Variants in ADAMTSL1 observed in about 807,000 individuals in gnomAD.
ADAMTSL1 encodes the protein ADAMTS-like protein 1.
Under a neutral mutation model 201.8 loss-of-function variants are expected in ADAMTSL1, and 126 were observed. The ratio of observed to expected loss-of-function variants is 0.62; its 90% confidence interval spans 0.54 to 0.72. The LOEUF is 0.72. ADAMTSL1 is among the 30% of genes least tolerant of loss of function. The pLI, the probability that ADAMTSL1 is intolerant of heterozygous loss-of-function variation, is 0.00. For synonymous variants in ADAMTSL1, 1,121 were observed against 903.4 expected (o/e 1.24, Z -4.32); for missense variants, 2,679 against 2,277.8 (o/e 1.18, Z -3.59).
chr9:18,358,488 A>C (rs573993045), intron 2 of ADAMTSL1, among the ~76,000 whole-genome samples: 309 of 152,308 alleles, frequency 2.0e-3, no homozygotes, highest in African/African-American at 7.2e-3. Context: ...CCATTATTCC[A>C]AAGAGAAATC....
chr9:17,947,287 G>T (rs977873906), intron 1 of ADAMTSL1, among the ~76,000 whole-genome samples: 1 of 146,510 alleles, frequency 6.8e-6, no homozygotes, highest in Non-Finnish European at 1.5e-5. Flanking sequence ...ATGAAAAATT[G>T]TAAGGCATTT....
At chr9:18,034,878 T>G (rs1435068899) in intron 1 of ADAMTSL1, among the ~76,000 whole-genome samples, 2 of 152,314 alleles carry the variant, frequency 1.3e-5, no homozygotes, top group African/African-American at 4.8e-5. Flanking sequence ...TATTTCAGTC[T>G]TTCCTCATGT....
intron 1 of ADAMTSL1, among the ~76,000 whole-genome samples, chr9:17,988,609 A>G (rs1441617693): frequency 2.0e-5 from 3 of 151,244 alleles, no homozygotes; most frequent in African/African-American, 7.3e-5. Context: ...CAAGAGTACC[A>G]TCATTTTAAA....
intron 2 of ADAMTSL1, among the ~76,000 whole-genome samples, chr9:18,411,432 C>T (rs925506093): frequency 6.6e-6 from 1 of 152,010 alleles, no homozygotes; most frequent in Non-Finnish European, 1.5e-5. Context: ...CTCCTGGACT[C>T]AAGTGATCCA....
chr9:18,510,521 T>A lies in ADAMTSL1; in HGVS notation c.191+5565T>A, dbSNP rs186772409. The stretch of plus-strand genomic sequence containing the variant: ...TCCTTGGTTTCTCCCCTACCCTTTT[T>A]CTGAGGTTTGCAGAAAGTAGGCAGT... On this transcript the variant is annotated intron_variant, in intron 2 of 28. Transcript: ENST00000380548. Among the ~76,000 whole-genome samples the A allele has an allele frequency of 8.3e-4, 126 of 152,300 alleles. 2 individuals carry two copies. Among genetic ancestry groups the A allele is most frequent in the African/African-American group, 3.0e-3 (125 of 41,566 alleles).
chr9:18,270,747 G>A (rs1417605649), intron 2 of ADAMTSL1, among the ~76,000 whole-genome samples: 2 of 152,144 alleles, frequency 1.3e-5, no homozygotes, highest in Non-Finnish European at 2.9e-5. Flanking sequence ...GTTGTCATGG[G>A]GAAGTAACTC....
At chr9:18,380,370 G>A (rs928867930) in intron 2 of ADAMTSL1, among the ~76,000 whole-genome samples, 58 of 152,052 alleles carry the variant, frequency 3.8e-4, no homozygotes, top group Admixed American at 3.1e-3. Flanking sequence ...CAGAATGAAC[G>A]GAAGATATGA....
At chr9:18,005,449 G>C (rs1427364698) in intron 1 of ADAMTSL1, among the ~76,000 whole-genome samples, 1 of 152,042 alleles carries the variant, frequency 6.6e-6, no homozygotes, top group Non-Finnish European at 1.5e-5. Context: ...GGAAAAAGAA[G>C]TACAGGGAGA....
chr9:18,591,145 G>A (rs1823887344), intron 4 of ADAMTSL1, among the ~76,000 whole-genome samples: 1 of 151,926 alleles, frequency 6.6e-6, no homozygotes, highest in Non-Finnish European at 1.5e-5. Flanking sequence ...TTTTTGTATT[G>A]CCATCTATCT....
chr9:18,890,816 G>C (rs1002136303), intron 25 of ADAMTSL1: 1 of 327,510 alleles, frequency 3.1e-6, no homozygotes, highest in Non-Finnish European at 6.0e-6. Flanking sequence ...AGGGATATAA[G>C]AGGCTGGAAA....
At chr9:18,563,316 GT>G (rs1391788222) in intron 3 of ADAMTSL1, among the ~76,000 whole-genome samples, 1 of 152,180 alleles carries the variant, frequency 6.6e-6, no homozygotes, top group Non-Finnish European at 1.5e-5. Context: ...TCCAGACCCT[GT>G]TTACCTGGGT....
chr9:18,637,898 T>A (rs967076046), intron 6 of ADAMTSL1, among the ~76,000 whole-genome samples: 2 of 152,102 alleles, frequency 1.3e-5, no homozygotes, highest in African/African-American at 4.8e-5. Flanking sequence ...TGGAATCAGA[T>A]GCTCAGATCA....
At chr9:18,326,708 TA>T (rs985871647) in intron 2 of ADAMTSL1, among the ~76,000 whole-genome samples, 1 of 152,234 alleles carries the variant, frequency 6.6e-6, no homozygotes, top group Non-Finnish European at 1.5e-5. Context: ...TCCCCCTTGG[TA>T]AATGAATGCA....
In ADAMTSL1 at chr9:18,707,282, C is replaced by G. The variant is rs188469285; in HGVS notation, c.1876+234C>G. 5.5e-3 allele frequency among the ~76,000 whole-genome samples: 842 copies of G among 152,308 alleles called. 26 individuals are homozygous for G. Among genetic ancestry groups the G allele is most frequent in the Admixed American group, 0.045 (692 of 15,294 alleles). ...GTGGCCAGTACAACAAATGCTTTGG[C>G]TTTCAGTTGTCATTCTGATGTCTTG... On this transcript the variant is annotated intron_variant, in intron 14 of 28. Coordinates refer to ENST00000380548, the MANE Select transcript of ADAMTSL1 (RefSeq NM_001040272.6).
At chr9:18,559,029 A>G (rs932461205) in intron 3 of ADAMTSL1, among the ~76,000 whole-genome samples, 6 of 152,080 alleles carry the variant, frequency 3.9e-5, no homozygotes, top group Non-Finnish European at 8.8e-5. Context: ...CCATTTGTCA[A>G]TTTTGGCTTT....
At chr9:18,431,162 AG>A (rs1371970199) in intron 2 of ADAMTSL1, among the ~76,000 whole-genome samples, 1 of 152,210 alleles carries the variant, frequency 6.6e-6, no homozygotes, top group Admixed American at 6.5e-5. Context: ...TCCACAAAGT[AG>A]ATTTCATTCA....
chr9:18,673,364 T>C (rs1008571800), intron 9 of ADAMTSL1, among the ~76,000 whole-genome samples: 7 of 152,198 alleles, frequency 4.6e-5, no homozygotes, highest in Non-Finnish European at 7.3e-5. Context: ...TACACGAATA[T>C]GTATTAGCAG....
At chr9:18,760,557 G>T (rs1820017925) in intron 16 of ADAMTSL1, among the ~76,000 whole-genome samples, 1 of 152,186 alleles carries the variant, frequency 6.6e-6, no homozygotes, top group African/African-American at 2.4e-5. Context: ...AAGCAGTATT[G>T]TTTGGAACTT....
At chr9:18,396,123 A>G (rs1246272244) in intron 2 of ADAMTSL1, among the ~76,000 whole-genome samples, 1 of 152,188 alleles carries the variant, frequency 6.6e-6, no homozygotes, top group African/African-American at 2.4e-5. Context: ...CCCATACTTT[A>G]TCCAACCTTA....
Sources: allele counts gnomAD v4.1 joint callset (sites outside exome capture counted in the v4.1 genomes callset), GRCh38; gene constraint gnomAD v4.1.1; transcripts MANE v1.5; gene names NCBI Gene and HGNC (gene_info 2026-07-23, HGNC 2026-07-21).